Variants in ATP8A2 observed in about 807,000 individuals in gnomAD.
The protein encoded by ATP8A2 is phospholipid-transporting ATPase IB.
A neutral mutation model predicts 165.6 loss-of-function variants in ATP8A2; 100 were observed. That is an observed-to-expected ratio of 0.60 (90% CI 0.51 to 0.71). ATP8A2 has a LOEUF of 0.71. ATP8A2 is among the 30% of genes least tolerant of loss of function. The probability of loss-of-function intolerance (pLI) is 0.00; values close to 1 mark genes in which losing one functional copy is unlikely to be tolerated. For synonymous variants in ATP8A2, 543 were observed against 548.8 expected, an observed-to-expected ratio of 0.99 and a Z score of 0.15; for missense variants, 1,227 against 1,479.5, an observed-to-expected ratio of 0.83 and a Z score of 2.80.
rs149089023 is a variant in ATP8A2 at position 25,886,491 on chromosome 13, G to A, written c.3183+24083G>A. On this transcript the variant is annotated intron_variant, in intron 33 of 36. Transcript: ENST00000381655. The stretch of plus-strand genomic sequence containing the variant: ...CCCTATTTTTGTCGCATCTGCAAGT[G>A]TGGTATGCATCTTGTAAACAGGTCA... 4.0e-3 allele frequency among the ~76,000 whole-genome samples: 612 copies of A among 152,340 alleles called. 2 individuals are homozygous for A. The highest frequency in any genetic ancestry group is 0.017 in the Middle Eastern group (5 of 294).
At chr13:25,652,823 C>G (rs1198387745) in intron 24 of ATP8A2, among the ~76,000 whole-genome samples, 4 of 152,196 alleles carry the variant, frequency 2.6e-5, no homozygotes, top group Admixed American at 2.6e-4. Flanking sequence ...GATTGTGTCT[C>G]TTGTCCTTGC....
At chr13:25,942,470 TGGAGTG>T in intron 33 of ATP8A2, among the ~76,000 whole-genome samples, 1 of 152,238 alleles carries the variant, frequency 6.6e-6, no homozygotes, top group Non-Finnish European at 1.5e-5. Context: ...TACCCTAGGC[TGGAGTG>T]CAGTGGCATG....
intron 2 of ATP8A2, among the ~76,000 whole-genome samples, chr13:25,486,174 G>C (rs1207271249): frequency 1.3e-5 from 2 of 152,124 alleles, no homozygotes; most frequent in Non-Finnish European, 2.9e-5. Flanking sequence ...TGGTTGATGG[G>C]TGCAATGTGC....
chr13:25,428,588 G>T (rs925860552), intron 1 of ATP8A2, among the ~76,000 whole-genome samples: 1 of 152,210 alleles, frequency 6.6e-6, no homozygotes, highest in Admixed American at 6.5e-5. Context: ...GTCAAGAGGA[G>T]CCTCTGAGAG....
At chr13:25,902,211 C>T (rs1255953227) in intron 33 of ATP8A2, among the ~76,000 whole-genome samples, 3 of 152,202 alleles carry the variant, frequency 2.0e-5, no homozygotes, top group African/African-American at 2.4e-5. Context: ...TTTCAAAAAG[C>T]AAATGCAATT....
At chr13:25,578,720 G>T in intron 20 of ATP8A2, 95 bp from the exon 21 acceptor site, 2 of 776,232 alleles carry the variant, frequency 2.6e-6, no homozygotes, top group South Asian at 2.9e-5. Flanking sequence ...GTATTCTCAT[G>T]CATGTTAGAT....
chr13:25,437,508 A>C (rs1358341895), intron 1 of ATP8A2, among the ~76,000 whole-genome samples: 1 of 152,244 alleles, frequency 6.6e-6, no homozygotes, highest in Non-Finnish European at 1.5e-5. Flanking sequence ...TCAACAGATC[A>C]AAGCTCTTAT....
intron 20 of ATP8A2, 103 bp from the exon 21 acceptor site, chr13:25,578,712 A>G (rs1418478012): frequency 5.0e-5 from 37 of 744,698 alleles, no homozygotes; most frequent in Non-Finnish European, 8.9e-5. Context: ...CCACTCGGGT[A>G]TTCTCATGCA....
intron 6 of ATP8A2, among the ~76,000 whole-genome samples, chr13:25,537,051 A>G (rs1429127027): frequency 6.6e-6 from 1 of 152,052 alleles, no homozygotes; most frequent in Middle Eastern, 3.2e-3. Flanking sequence ...TGTTCTCTCT[A>G]CCCTAGTGCT....
intron 30 of ATP8A2, 30 bp from the exon 31 acceptor site, chr13:25,860,165 G>A: frequency 6.5e-7 from 1 of 1,537,106 alleles, no homozygotes; most frequent in Non-Finnish European, 9.0e-7. Flanking sequence ...CAGCTTCTTG[G>A]ATGTTAATAG....
At chr13:25,951,637 A>G (rs1955364177) in intron 33 of ATP8A2, among the ~76,000 whole-genome samples, 1 of 152,132 alleles carries the variant, frequency 6.6e-6, no homozygotes, top group Admixed American at 6.6e-5. Context: ...AACCCCCAGG[A>G]AGCATTGCCT....
At chr13:25,396,402 T>C (rs540216885) in intron 1 of ATP8A2, among the ~76,000 whole-genome samples, 53 of 152,312 alleles carry the variant, frequency 3.5e-4, no homozygotes, top group African/African-American at 1.3e-3. Context: ...CTAGTTTCTA[T>C]GACCTACCTT....
chr13:25,956,027 A>C (rs1288267177), intron 33 of ATP8A2, among the ~76,000 whole-genome samples: 1 of 152,188 alleles, frequency 6.6e-6, no homozygotes, highest in Non-Finnish European at 1.5e-5. Flanking sequence ...CAAAAACTAC[A>C]TGAGTATCTC....
chr13:25,895,101 C>A (rs895123587), intron 33 of ATP8A2, among the ~76,000 whole-genome samples: 6 of 152,190 alleles, frequency 3.9e-5, no homozygotes, highest in African/African-American at 1.4e-4. Flanking sequence ...GAGGGCATCC[C>A]TGTCTTGTGC....
intron 20 of ATP8A2, among the ~76,000 whole-genome samples, chr13:25,578,000 C>T (rs2039665495): frequency 2.0e-5 from 3 of 152,144 alleles, no homozygotes; most frequent in South Asian, 2.1e-4. Context: ...AAAATGACTT[C>T]AATTAAGCTC....
rs1956628768 is a variant in ATP8A2 at position 26,001,384 on chromosome 13, G to A, written c.3378-11147G>A. 3.3e-5 allele frequency among the ~76,000 whole-genome samples: 5 copies of A among 152,264 alleles called. No individual in the cohort carries two copies. The South Asian group carries it at 8.3e-4, about 25-fold the overall frequency. Reference sequence around the variant, plus strand: ...CTGAGTCCATTTTCCATTCATTTGGGTATATTCTTAGGAATGGAATTGGTG... The same window carrying A: ...CTGAGTCCATTTTCCATTCATTTGGATATATTCTTAGGAATGGAATTGGTG... On this transcript the variant is annotated intron_variant, in intron 35 of 36. Coordinates refer to ENST00000381655, the MANE Select transcript of ATP8A2 (RefSeq NM_016529.6).
intron 27 of ATP8A2, among the ~76,000 whole-genome samples, chr13:25,790,322 A>G (rs1270585689): frequency 1.3e-5 from 2 of 152,126 alleles, no homozygotes; most frequent in Non-Finnish European, 2.9e-5. Flanking sequence ...TGCAAACTAT[A>G]TAGGTCCAAA....
intron 33 of ATP8A2, among the ~76,000 whole-genome samples, chr13:25,939,865 C>T (rs1223269804): frequency 9.2e-5 from 14 of 152,330 alleles, no homozygotes; most frequent in African/African-American, 3.1e-4. Context: ...TCCCAGGCTT[C>T]GCCTTTCTTC....
At chr13:25,481,479 G>C (rs1347138759) in intron 2 of ATP8A2, among the ~76,000 whole-genome samples, 1 of 152,132 alleles carries the variant, frequency 6.6e-6, no homozygotes, top group African/African-American at 2.4e-5. Flanking sequence ...TAAACCATTT[G>C]TTCTTTTGGG....
Sources: allele counts gnomAD v4.1 joint callset (sites outside exome capture counted in the v4.1 genomes callset), GRCh38; gene constraint gnomAD v4.1.1; transcripts MANE v1.5; gene names NCBI Gene and HGNC (gene_info 2026-07-23, HGNC 2026-07-21).